Variants in SLC2A13 observed in about 807,000 individuals in gnomAD.
SLC2A13 encodes solute carrier family 2 member 13.
In SLC2A13, 32 loss-of-function variants were observed where a neutral mutation model predicts 64.4. The observed-to-expected ratio is 0.50, with a 90% confidence interval of 0.37 to 0.67. The LOEUF is 0.67. SLC2A13 is among the 30% of genes least tolerant of loss of function. SLC2A13 has a pLI of 0.00. For missense variants in SLC2A13, 743 were observed against 829.2 expected (o/e 0.90, Z 1.28); for synonymous variants, 338 against 327.1 (o/e 1.03, Z -0.36).
At chr12:39,886,370 G>C (rs1944466797) in intron 4 of SLC2A13, among the ~76,000 whole-genome samples, 2 of 152,062 alleles carry the variant, frequency 1.3e-5, no homozygotes, top group South Asian at 4.2e-4. Flanking sequence ...ACTAAAACAT[G>C]CTTGCTCAAT....
intron 7 of SLC2A13, among the ~76,000 whole-genome samples, chr12:39,786,917 C>A (rs985310094): frequency 6.6e-6 from 1 of 152,204 alleles, no homozygotes. Context: ...CTTGGCATAG[C>A]AGTCATAATA....
intron 7 of SLC2A13, among the ~76,000 whole-genome samples, chr12:39,803,558 A>T (rs905368794): frequency 3.3e-5 from 5 of 152,198 alleles, no homozygotes; most frequent in Non-Finnish European, 5.9e-5. Context: ...ACATATATAC[A>T]TACACACACA....
At position 39,946,743 on chromosome 12, in the gene SLC2A13, C is replaced by T. The variant is rs189723950; in HGVS notation, c.1034+4514G>A. ...CAACAGCCCCAAGTCTGTTTCCAGG[C>T]GGAGGGCGAGATGGGCTTGAAAATT... is the stretch of plus-strand genomic sequence containing the variant. On this transcript the variant is annotated intron_variant, in intron 4 of 9. Transcript: ENST00000280871. Among the ~76,000 whole-genome samples the T allele has an allele frequency of 2.0e-4, 31 of 152,300 alleles. No individual in the cohort carries two copies. The East Asian group carries it at 5.4e-3, about 27-fold the overall frequency.
chr12:40,033,271 T>C (rs1947930598), intron 2 of SLC2A13, among the ~76,000 whole-genome samples: 1 of 152,268 alleles, frequency 6.6e-6, no homozygotes, highest in Non-Finnish European at 1.5e-5. Flanking sequence ...TAATTAATTC[T>C]GTAGAACACA....
At chr12:40,057,546 C>A (rs1357268629) in intron 1 of SLC2A13, among the ~76,000 whole-genome samples, 1 of 152,148 alleles carries the variant, frequency 6.6e-6, no homozygotes, top group Non-Finnish European at 1.5e-5. Flanking sequence ...ATTTGGACTA[C>A]AGAAATCCAG....
At chr12:39,998,031 GAAGAA>G (rs973812805) in intron 3 of SLC2A13, among the ~76,000 whole-genome samples, 11 of 152,160 alleles carry the variant, frequency 7.2e-5, no homozygotes, top group African/African-American at 2.4e-4. Flanking sequence ...TATATACCCA[GAAGAA>G]AAGAAGTTAT....
At chr12:39,898,778 T>C (rs1944998121) in intron 4 of SLC2A13, among the ~76,000 whole-genome samples, 3 of 152,160 alleles carry the variant, frequency 2.0e-5, no homozygotes, top group Admixed American at 1.3e-4. Flanking sequence ...TCTCTCTCAA[T>C]TATTCTCTCA....
At chr12:40,039,919 T>A (rs1023325166) in intron 2 of SLC2A13, among the ~76,000 whole-genome samples, 1 of 152,246 alleles carries the variant, frequency 6.6e-6, no homozygotes, top group Non-Finnish European at 1.5e-5. Context: ...CATTAAAGTA[T>A]AATAAAGAGT....
At chr12:40,085,079 C>A (rs1258376257) in intron 1 of SLC2A13, among the ~76,000 whole-genome samples, 1 of 152,164 alleles carries the variant, frequency 6.6e-6, no homozygotes, top group African/African-American at 2.4e-5. Context: ...CAGAGCACTT[C>A]TCGACAGATG....
chr12:39,825,264 A>G (rs1942638255), intron 7 of SLC2A13, among the ~76,000 whole-genome samples: 1 of 152,194 alleles, frequency 6.6e-6, no homozygotes, highest in African/African-American at 2.4e-5. Flanking sequence ...GGTTTTGTAT[A>G]TATGGAGAGT....
intron 1 of SLC2A13, among the ~76,000 whole-genome samples, chr12:40,067,870 C>T (rs1003172778): frequency 1.3e-5 from 2 of 152,072 alleles, no homozygotes; most frequent in African/African-American, 2.4e-5. Flanking sequence ...ACTGTTTAAT[C>T]CCATAGACAG....
At chr12:39,840,212 A>T (rs1463420337) in intron 6 of SLC2A13, among the ~76,000 whole-genome samples, 1 of 151,826 alleles carries the variant, frequency 6.6e-6, no homozygotes, top group African/African-American at 2.4e-5. Context: ...TTGTATTATT[A>T]GTAGAGTTGG....
chr12:40,096,601 T>C (rs977904438), intron 1 of SLC2A13, among the ~76,000 whole-genome samples: 1 of 152,080 alleles, frequency 6.6e-6, no homozygotes, highest in Non-Finnish European at 1.5e-5. Context: ...TATTCCTATT[T>C]CCTCTTCTCA....
In SLC2A13 at chr12:39,838,492, A is replaced by T. The variant is rs182724239; in HGVS notation, c.1320-8264T>A. Among the ~76,000 whole-genome samples, 815 of 112,128 alleles carry T rather than the reference A, an allele frequency of 7.3e-3. 6 individuals are homozygous for T. Among genetic ancestry groups the T allele is most frequent in the African/African-American group, 0.027 (766 of 28,310 alleles). 73.6% of individuals were successfully genotyped at this position (112,128 alleles called of 152,430 possible). Reference sequence around the variant, plus strand: ...TGTACCCTAAAACTTAAAGTATAATAAAAAAAAATAAATTAAAAAAAAAAA... The same window carrying T: ...TGTACCCTAAAACTTAAAGTATAATTAAAAAAAATAAATTAAAAAAAAAAA... On this transcript the variant is annotated intron_variant, in intron 6 of 9. Transcript: ENST00000280871.
chr12:39,946,208 C>T (rs1223659183), intron 4 of SLC2A13, among the ~76,000 whole-genome samples: 1 of 152,212 alleles, frequency 6.6e-6, no homozygotes, highest in East Asian at 1.9e-4. Context: ...GTGATGTGAA[C>T]CGCCTATGGG....
intron 2 of SLC2A13, among the ~76,000 whole-genome samples, chr12:40,042,181 C>A (rs1488366995): frequency 6.6e-6 from 1 of 151,864 alleles, no homozygotes; most frequent in Non-Finnish European, 1.5e-5. Context: ...ACTAGCACAA[C>A]CAGACATTTA....
At chr12:39,933,063 C>CA (rs146869538) in intron 4 of SLC2A13, among the ~76,000 whole-genome samples, 10,308 of 151,010 alleles carry the variant, frequency 0.068, 575 homozygotes, top group East Asian at 0.31. Flanking sequence ...CTGTCTCTAC[C>CA]AAAAAAAATA....
At chr12:39,972,387 T>C (rs1379422640) in intron 3 of SLC2A13, among the ~76,000 whole-genome samples, 1 of 152,168 alleles carries the variant, frequency 6.6e-6, no homozygotes, top group East Asian at 1.9e-4. Context: ...TCCATCATAC[T>C]GCACTTGCTA....
intron 3 of SLC2A13, among the ~76,000 whole-genome samples, chr12:39,982,362 A>T (rs1270013167): frequency 7.8e-6 from 1 of 127,718 alleles, no homozygotes; most frequent in Non-Finnish European, 1.7e-5. Context: ...AAGGGTATTC[A>T]ATTAGGAAAA....
Sources: gnomAD v4.1 joint callset for allele counts (sites outside exome capture counted in the v4.1 genomes callset) on GRCh38, gnomAD v4.1.1 for gene constraint, MANE v1.5 for transcripts, NCBI Gene and HGNC (gene_info 2026-07-23, HGNC 2026-07-21) for gene names.